The following TBXAS1 variants were observed in gnomAD, a reference collection of about 807,000 sequenced individuals.
TBXAS1 encodes thromboxane-A synthase.
Under a neutral mutation model 60.7 loss-of-function variants are expected in TBXAS1, and 48 were observed. The observed-to-expected ratio is 0.79, with a 90% CI of 0.63 to 1.01. The LOEUF (loss-of-function observed/expected upper bound fraction) is 1.01. Among genes scored for constraint, TBXAS1 ranks in the 50% least tolerant of loss-of-function variants. TBXAS1 has a pLI of 0.00. For missense variants in TBXAS1, 685 were observed against 686.3 expected (o/e 1.00, Z 0.02); for synonymous variants, 287 against 269.7 (o/e 1.06, Z -0.63).
At position 140,019,997 on chromosome 7, in the gene TBXAS1, A is replaced by G. The variant is rs774670541; in HGVS notation, c.1528-28A>G. ...ACAGTGAGATGCTACTATCTCTTTGACAAATATTTTAATTTTCTCTATTTT... is the reference window on the plus strand; with the variant it reads ...ACAGTGAGATGCTACTATCTCTTTGGCAAATATTTTAATTTTCTCTATTTT... On this transcript the variant is annotated intron_variant, in intron 12 of 12. Coordinates refer to ENST00000448866, the MANE Select transcript of TBXAS1 (RefSeq NM_001061.7). The G allele has an allele frequency of 6.8e-6, 11 of 1,608,612 alleles. No individual in the cohort carries two copies. The South Asian group carries it at 1.1e-4, about 16-fold the overall frequency.
In TBXAS1 at chr7:139,809,282, AATAG is replaced by A. The variant is rs779431409; in HGVS notation, c.-79-20025_-79-20022del. ...AGATAGATAGATAGAACCAATAGGA[AATAG>A]ATAGGTAGATAGATAGACACAACCA... On this transcript the variant is annotated intron_variant, in intron 4 of 16. Transcript: ENST00000336425. 2.0e-3 allele frequency among the ~76,000 whole-genome samples: 292 copies of A among 149,298 alleles called. 2 individuals carry two copies. Among genetic ancestry groups the A allele is most frequent in the Non-Finnish European group, 3.7e-3 (248 of 67,130 alleles).
intron 9 of TBXAS1, 152 bp from the exon 10 acceptor site, chr7:140,006,939 G>A (rs1436912790): frequency 1.4e-5 from 11 of 776,992 alleles, no homozygotes; most frequent in Non-Finnish European, 2.5e-5. Context: ...CCAATCAGAT[G>A]CAATTTGGGT....
At chr7:139,964,579 G>A (rs1810633543) in intron 9 of TBXAS1, among the ~76,000 whole-genome samples, 1 of 152,204 alleles carries the variant, frequency 6.6e-6, no homozygotes, top group African/African-American at 2.4e-5. Context: ...TCTGGTCTCA[G>A]TAAACCAGAA....
At chr7:139,805,698 CTT>C (rs1257212487) in intron 4 of TBXAS1, among the ~76,000 whole-genome samples, 57 of 31,100 alleles carry the variant, frequency 1.8e-3, no homozygotes, top group South Asian at 7.4e-3. Context: ...TTCTTTCTTT[CTT>C]TCTTTCTTTC....
intron 1 of TBXAS1, among the ~76,000 whole-genome samples, chr7:139,861,307 C>T (rs1398046883): frequency 2.6e-5 from 4 of 151,870 alleles, no homozygotes; most frequent in African/African-American, 9.7e-5. Context: ...GATCATAGCT[C>T]ACTGTAACCT....
chr7:139,978,800 CA>C (rs1811755001), intron 9 of TBXAS1, among the ~76,000 whole-genome samples: 1 of 133,186 alleles, frequency 7.5e-6, no homozygotes, highest in East Asian at 2.2e-4. Context: ...AAAAAAAAAT[CA>C]AAAATTAGCT....
At chr7:139,858,988 C>G (rs1208159716) in intron 1 of TBXAS1, among the ~76,000 whole-genome samples, 1 of 152,120 alleles carries the variant, frequency 6.6e-6, no homozygotes, top group Non-Finnish European at 1.5e-5. Context: ...CCTGCCTCAG[C>G]CTCCTGAGTA....
intron 3 of TBXAS1, among the ~76,000 whole-genome samples, chr7:139,902,096 G>A (rs1334282475): frequency 2.6e-5 from 4 of 151,786 alleles, no homozygotes; most frequent in African/African-American, 9.7e-5. Flanking sequence ...ATGACCCACA[G>A]TGCTTATCAT....
intron 9 of TBXAS1, among the ~76,000 whole-genome samples, chr7:139,982,645 C>T (rs898676358): frequency 3.9e-5 from 6 of 152,146 alleles, no homozygotes; most frequent in African/African-American, 1.2e-4. Context: ...ACAATCTGCT[C>T]GACATCCTGT....
Position 139,896,131 on chromosome 7 carries a change from C to T in TBXAS1, c.237-15094C>T, listed in dbSNP as rs535244134. ...CTTCCACTTGCTCTTAAGGGTGAGG[C>T]GCTCTGCTAGCTTCTCAGGGATGCA... On this transcript the variant is annotated intron_variant, in intron 3 of 12. Coordinates refer to ENST00000448866, the MANE Select transcript of TBXAS1 (RefSeq NM_001061.7). The surrounding 1 kb of genome is among the most constrained non-coding windows in gnomAD (Gnocchi z 4.0). Among the ~76,000 whole-genome samples, 19 of 152,244 alleles carry T rather than the reference C, an allele frequency of 1.2e-4. No individual in the cohort carries two copies. Among genetic ancestry groups the T allele is most frequent in the African/African-American group, 4.3e-4 (18 of 41,554 alleles).
chr7:139,958,686 G>A (rs1810074446), intron 8 of TBXAS1, among the ~76,000 whole-genome samples: 1 of 152,244 alleles, frequency 6.6e-6, no homozygotes, highest in Admixed American at 6.5e-5. Context: ...GCCTTGGGCA[G>A]CAGCCGCGTC....
At chr7:139,984,654 G>GAAAGAAAGAAA (rs1569522282) in intron 9 of TBXAS1, among the ~76,000 whole-genome samples, 1 of 117,992 alleles carries the variant, frequency 8.5e-6, no homozygotes, top group Non-Finnish European at 1.8e-5. Context: ...AAGAAAGAAA[G>GAAAGAAAGAAA]GGAAGGGGGA....
At chr7:139,810,129 C>T (rs146019080) in intron 4 of TBXAS1, among the ~76,000 whole-genome samples, 7 of 149,952 alleles carry the variant, frequency 4.7e-5, no homozygotes, top group South Asian at 4.2e-4. Flanking sequence ...CTCTGTTTCA[C>T]GGGCTCAATC....
intron 4 of TBXAS1, among the ~76,000 whole-genome samples, chr7:139,821,978 C>T (rs1227429711): frequency 6.6e-6 from 1 of 152,174 alleles, no homozygotes; most frequent in East Asian, 1.9e-4. Context: ...TCACAGACCT[C>T]GTGTATTGAG....
Position 140,015,741 on chromosome 7 carries a change from T to C in TBXAS1, c.1245T>C (p.Ala415=). The C allele has an allele frequency of 6.2e-7, 1 of 1,613,462 alleles. No homozygotes were observed. Among genetic ancestry groups the C allele is most frequent in the South Asian group, 1.1e-5 (1 of 91,080 alleles). The change falls in exon 11 of 13, where the codon GCT becomes GCC. Residue 415 remains alanine, a synonymous_variant. Transcript: ENST00000448866. ...CCCTCAGATTCACACGGGAGGCAGCTCAGGACTGCGAGGTGCTGGGGCAGC... is the reference window on the plus strand; with the variant it reads ...CCCTCAGATTCACACGGGAGGCAGCCCAGGACTGCGAGGTGCTGGGGCAGC... ...PPAFRFTREA[A]QDCEVLGQRI... is the part of the protein sequence containing the mutation.
At chr7:139,962,492 T>A (rs1810452584) in intron 9 of TBXAS1, 1 of 425,230 alleles carries the variant, frequency 2.4e-6, no homozygotes, top group Non-Finnish European at 4.4e-6. Flanking sequence ...CAGGCCTGGC[T>A]CGAGGAAGCT....
chr7:139,986,231 G>A (rs1812449176), intron 9 of TBXAS1, among the ~76,000 whole-genome samples: 1 of 152,212 alleles, frequency 6.6e-6, no homozygotes, highest in African/African-American at 2.4e-5. Context: ...ACAACTCTGT[G>A]GAGTAGGACT....
chr7:139,874,822 C>T (rs773682862), intron 2 of TBXAS1, among the ~76,000 whole-genome samples: 1 of 152,210 alleles, frequency 6.6e-6, no homozygotes, highest in Non-Finnish European at 1.5e-5. Flanking sequence ...TAGCCAGGCA[C>T]AGTGGCTCAT....
intron 8 of TBXAS1, among the ~76,000 whole-genome samples, chr7:139,958,084 A>G (rs1001691512): frequency 7.2e-5 from 11 of 152,228 alleles, no homozygotes; most frequent in African/African-American, 2.7e-4. Context: ...AGAATAGCCC[A>G]GAAGAATTTT....
Sources: gnomAD v4.1 joint callset for allele counts (sites outside exome capture counted in the v4.1 genomes callset) on GRCh38, gnomAD v4.1.1 for gene constraint, Gnocchi (gnomAD v3.1) non-coding constraint, MANE v1.5 for transcripts, NCBI Gene and HGNC (gene_info 2026-07-23, HGNC 2026-07-21) for gene names.